The following ACBD6 variants were observed in gnomAD, a reference collection of about 807,000 sequenced individuals.
ACBD6 encodes acyl-CoA binding domain containing 6, also known as acyl-CoA-binding domain-containing protein 6.
In ACBD6, 28 loss-of-function variants were observed where a neutral mutation model predicts 37.2. The ratio of observed to expected loss-of-function variants is 0.75; its 90% CI spans 0.56 to 1.03. ACBD6 has a LOEUF of 1.03. Ranked by LOEUF, ACBD6 falls within the 50% of genes least tolerant of loss-of-function variation. The pLI is 0.00. For synonymous variants in ACBD6, 113 were observed against 126.8 expected, an observed-to-expected ratio of 0.89 and a Z score of 0.73; for missense variants, 340 against 337.4, an observed-to-expected ratio of 1.01 and a Z score of -0.06.
chr1:180,335,729 G>T (rs2149303066), intron 6 of ACBD6, among the ~76,000 whole-genome samples: 1 of 146,022 alleles, frequency 6.8e-6, no homozygotes, highest in South Asian at 2.2e-4. Flanking sequence ...ACTGGGTAAA[G>T]AGTCAAGACC....
At chr1:180,274,485 C>T (rs755779045) in intron 10 of ACBD6, 23 of 1,613,830 alleles carry the variant, frequency 1.4e-5, no homozygotes, top group Non-Finnish European at 1.8e-5. Context: ...GGGGGACCCA[C>T]CTCTGACATC....
intron 4 of ACBD6, among the ~76,000 whole-genome samples, chr1:180,425,613 A>G (rs1648551832): frequency 1.3e-5 from 2 of 152,210 alleles, no homozygotes; most frequent in African/African-American, 4.8e-5. Context: ...TATGTAGAAC[A>G]CATACTCTTG....
chr1:180,499,022 A>C (rs1237735791), intron 1 of ACBD6, among the ~76,000 whole-genome samples: 1 of 152,178 alleles, frequency 6.6e-6, no homozygotes, highest in East Asian at 1.9e-4. Flanking sequence ...GATTTTGTTA[A>C]AACTTTATTA....
rs554249601 is a variant in ACBD6 at position 180,446,290 on chromosome 1, G to A, written c.385-16028C>T. ...AGCCTCCCTAAGTGCTGAGATTACA[G>A]GTGTGAGCCACCACACCCAGCCTTA... On this transcript the variant is annotated intron_variant, in intron 3 of 7. Transcript: ENST00000367595. Among the ~76,000 whole-genome samples, 7 of 151,880 alleles carry A rather than the reference G, an allele frequency of 4.6e-5. No individual in the cohort carries two copies. In the East Asian group the frequency reaches 1.4e-3, roughly 29 times the overall value.
At chr1:180,318,172 C>A (rs796894470) in intron 6 of ACBD6, among the ~76,000 whole-genome samples, 2 of 106,372 alleles carry the variant, frequency 1.9e-5, no homozygotes, top group African/African-American at 3.6e-5. Context: ...CGCCCCCCCC[C>A]CCCAAAAAAA....
chr1:180,360,203 A>G (rs1652795679), intron 6 of ACBD6, among the ~76,000 whole-genome samples: 1 of 152,310 alleles, frequency 6.6e-6, no homozygotes, highest in East Asian at 1.9e-4. Context: ...TGAAAGTTCT[A>G]TCTTCATGTT....
At chr1:180,311,993 A>G (rs959319931) in intron 7 of ACBD6, among the ~76,000 whole-genome samples, 3 of 152,322 alleles carry the variant, frequency 2.0e-5, no homozygotes, top group African/African-American at 7.2e-5. Flanking sequence ...TAGCTGTAAG[A>G]TAACATCTTG....
chr1:180,359,414 TA>T (rs952825574), intron 6 of ACBD6, among the ~76,000 whole-genome samples: 3 of 151,916 alleles, frequency 2.0e-5, no homozygotes, highest in African/African-American at 4.8e-5. Context: ...AGGAAACCAT[TA>T]AAAAAATAGC....
intron 1 of ACBD6, among the ~76,000 whole-genome samples, chr1:180,496,579 C>G (rs944338224): frequency 2.6e-5 from 4 of 152,270 alleles, no homozygotes; most frequent in African/African-American, 9.6e-5. Flanking sequence ...CTTTCCTCAG[C>G]TTTTCAAGAT....
intron 7 of ACBD6, among the ~76,000 whole-genome samples, chr1:180,299,292 G>A (rs1173610484): frequency 6.6e-6 from 1 of 152,188 alleles, no homozygotes; most frequent in Non-Finnish European, 1.5e-5. Context: ...GAGGAGGAAA[G>A]GGTGCTAACA....
In ACBD6 at chr1:180,492,390, G is replaced by C. The variant is rs749800203; in HGVS notation, c.288-25C>G. Reference sequence around the variant, plus strand: ...CCTACAATATGGAATATCCAAAATGGCCTGTCATTATGCAAATAACACAAA... The same window carrying C: ...CCTACAATATGGAATATCCAAAATGCCCTGTCATTATGCAAATAACACAAA... On this transcript the variant is annotated intron_variant, in intron 2 of 7. Coordinates refer to ENST00000367595, the MANE Select transcript of ACBD6 (RefSeq NM_032360.4). 18 of 1,568,040 alleles carry C rather than the reference G, an allele frequency of 1.1e-5. No individual in the cohort carries two copies. In the South Asian group the frequency reaches 2.0e-4, roughly 17 times the overall value.
At chr1:180,436,689 C>A (rs1649051364) in intron 3 of ACBD6, among the ~76,000 whole-genome samples, 1 of 152,096 alleles carries the variant, frequency 6.6e-6, no homozygotes, top group South Asian at 2.1e-4. Flanking sequence ...TGTTTTTTAG[C>A]AGTTTAATGG....
intron 7 of ACBD6, among the ~76,000 whole-genome samples, chr1:180,310,865 G>C (rs1650564158): frequency 6.6e-6 from 1 of 152,184 alleles, no homozygotes; most frequent in Non-Finnish European, 1.5e-5. Flanking sequence ...TCGGTATGAA[G>C]TTGTATCTAA....
chr1:180,271,704 G>A, exon 14 of ACBD6: 1 of 1,274,506 alleles, frequency 7.8e-7, no homozygotes, highest in Non-Finnish European at 1.1e-6. Flanking sequence ...AGGGGGTGGG[G>A]CGCATCGCAC....
At position 180,502,057 on chromosome 1, in the gene ACBD6, G is replaced by A. The variant is rs774282571; in HGVS notation, c.210C>T (p.Ala70=). 1.9e-6 allele frequency: 3 copies of A among 1,613,616 alleles called. No homozygotes were observed. The highest frequency in any genetic ancestry group is 1.7e-5 in the Admixed American group (1 of 59,978). Residue 70 remains alanine (A), a synonymous_variant, in exon 1 of 8, where the codon GCC becomes GCT. Coordinates refer to ENST00000367595, the MANE Select transcript of ACBD6 (RefSeq NM_032360.4). ...ASREQLLYLY[A]RYKQVKVGNC... is the part of the protein sequence containing the mutation. ...CCTGCTACTTTACCTGTTTGTACCT[G>A]GCATACAGGTACAAGAGCTGCTCCC...
chr1:180,419,946 T>C (rs780214981), intron 4 of ACBD6, among the ~76,000 whole-genome samples: 1 of 152,208 alleles, frequency 6.6e-6, no homozygotes, highest in Non-Finnish European at 1.5e-5. Flanking sequence ...CTAAAAGTTT[T>C]TATACAGTAC....
chr1:180,420,674 T>TG (rs1443082193), intron 4 of ACBD6, among the ~76,000 whole-genome samples: 3 of 152,192 alleles, frequency 2.0e-5, no homozygotes, highest in Non-Finnish European at 2.9e-5. Context: ...AGGTACCTCC[T>TG]GACTTCAGGG....
intron 6 of ACBD6, among the ~76,000 whole-genome samples, chr1:180,394,380 A>C (rs535460910): frequency 8.7e-5 from 13 of 150,282 alleles, no homozygotes; most frequent in African/African-American, 3.2e-4. Flanking sequence ...ATGAGCCATC[A>C]CATCTGGCCA....
At chr1:180,276,689 G>T (rs1558229375) in intron 9 of ACBD6, 1 of 152,170 alleles carries the variant, frequency 6.6e-6, no homozygotes. Flanking sequence ...CAGGAGAAAA[G>T]GCTCTGCTGG....
Sources: gnomAD v4.1 joint callset for allele counts (sites outside exome capture counted in the v4.1 genomes callset) on GRCh38, gnomAD v4.1.1 for gene constraint, MANE v1.5 for transcripts, NCBI Gene and HGNC (gene_info 2026-07-23, HGNC 2026-07-21) for gene names.